AIM2: variants seen among roughly 807,000 people sequenced by gnomAD.
AIM2 encodes interferon-inducible protein AIM2.
Under a neutral mutation model 27.7 loss-of-function variants are expected in AIM2, and 30 were observed. That is an observed-to-expected ratio of 1.08 (90% CI 0.81 to 1.47). AIM2 has a LOEUF of 1.47. AIM2 is among the 40% of genes most tolerant of loss of function. The probability of loss-of-function intolerance (pLI) is 0.00; values close to 1 mark genes in which losing one functional copy is unlikely to be tolerated. For synonymous variants in AIM2, 141 were observed against 145.3 expected, an observed-to-expected ratio of 0.97 and a Z score of 0.21; for missense variants, 358 against 411.3, an observed-to-expected ratio of 0.87 and a Z score of 1.12.
chr1:159,073,595 T>C (rs1557895454), intron 1 of AIM2, 76 bp from the exon 2 acceptor site: 3 of 1,367,166 alleles, frequency 2.2e-6, no homozygotes, highest in East Asian at 4.6e-5. Flanking sequence ...AGGTGAGCTA[T>C]TAATATTTTT....
intron 1 of AIM2, among the ~76,000 whole-genome samples, chr1:159,139,276 A>G (rs1173245357): frequency 6.6e-6 from 1 of 152,160 alleles, no homozygotes; most frequent in Non-Finnish European, 1.5e-5. Flanking sequence ...GAAAACTCCA[A>G]TCAGACCTCT....
downstream of AIM2, among the ~76,000 whole-genome samples, chr1:159,058,687 G>T (rs1411833617): frequency 6.6e-6 from 1 of 152,100 alleles, no homozygotes; most frequent in African/African-American, 2.4e-5. Context: ...CTCACCCACC[G>T]ATTCTCGAGC....
At chr1:159,135,098 T>C (rs1018231760) in intron 1 of AIM2, among the ~76,000 whole-genome samples, 5 of 152,234 alleles carry the variant, frequency 3.3e-5, no homozygotes, top group African/African-American at 7.2e-5. Context: ...TGTTTTTCTG[T>C]GATCACCTCT....
At chr1:159,082,978 A>G (rs1165740088) in intron 1 of AIM2, among the ~76,000 whole-genome samples, 1 of 152,200 alleles carries the variant, frequency 6.6e-6, no homozygotes. Flanking sequence ...GGGTGGTTGC[A>G]GAGAAATTAC....
intron 1 of AIM2, among the ~76,000 whole-genome samples, chr1:159,136,313 G>T (rs1282299205): frequency 6.6e-6 from 1 of 152,118 alleles, no homozygotes; most frequent in Non-Finnish European, 1.5e-5. Context: ...AAACAAGGAG[G>T]TTAGCATTTG....
At chr1:159,071,396 C>G (rs1656358105) in intron 2 of AIM2, among the ~76,000 whole-genome samples, 1 of 152,198 alleles carries the variant, frequency 6.6e-6, no homozygotes, top group South Asian at 2.1e-4. Context: ...CATGGACACA[C>G]AAAAATTTCC....
At position 159,068,674 on chromosome 1, in the gene AIM2, T is replaced by C; in HGVS notation, c.290A>G (p.Lys97Arg). ...KVDKQYKSVT[K>R]PKPLSQAEMS... ...TTCAGCTTGACTTAGTGGCTTTGGT[T>C]TTGTTACCGATTTGTATTGCTTATC... The change falls in exon 3 of 6, where the codon AAA becomes AGA. Residue 97 changes from lysine to arginine, a missense_variant. By Grantham distance (26) the Lys-to-Arg change is conservative. Coordinates refer to ENST00000368130, the MANE Select transcript of AIM2 (RefSeq NM_004833.3). The C allele has an allele frequency of 6.2e-7, 1 of 1,613,826 alleles. No homozygotes were observed. Among genetic ancestry groups the C allele is most frequent in the Non-Finnish European group, 8.5e-7 (1 of 1,179,840 alleles).
intron 1 of AIM2, among the ~76,000 whole-genome samples, chr1:159,111,314 T>C (rs1388097610): frequency 1.3e-5 from 2 of 152,228 alleles, no homozygotes; most frequent in African/African-American, 4.8e-5. Context: ...TAACCTGGCG[T>C]AGGGTCTATT....
At chr1:159,062,923 G>T (rs1304348032) in intron 5 of AIM2, among the ~76,000 whole-genome samples, 2 of 152,110 alleles carry the variant, frequency 1.3e-5, no homozygotes, top group Non-Finnish European at 2.9e-5. Context: ...ACTTAGCAAG[G>T]TCACATACGC....
chr1:159,117,013 T>G (rs1159785920), intron 1 of AIM2, among the ~76,000 whole-genome samples: 3 of 152,074 alleles, frequency 2.0e-5, no homozygotes, highest in African/African-American at 7.2e-5. Flanking sequence ...TCAAGTTATT[T>G]TTTGTGTTAT....
intron 5 of AIM2, among the ~76,000 whole-genome samples, chr1:159,062,934 A>G (rs1394698716): frequency 1.1e-4 from 17 of 152,180 alleles, no homozygotes; most frequent in Non-Finnish European, 5.9e-5. Context: ...TCACATACGC[A>G]TATTTCTCAA....
intron 1 of AIM2, among the ~76,000 whole-genome samples, chr1:159,126,178 C>T (rs551877178): frequency 3.9e-5 from 6 of 152,156 alleles, no homozygotes; most frequent in Non-Finnish European, 8.8e-5. Flanking sequence ...TATTTCCTGT[C>T]TGAGAATGGA....
At chr1:159,086,415 C>G (rs1656912337) in intron 1 of AIM2, among the ~76,000 whole-genome samples, 1 of 152,228 alleles carries the variant, frequency 6.6e-6, no homozygotes, top group Non-Finnish European at 1.5e-5. Flanking sequence ...GCCAGCTCAT[C>G]AGAGCGCTCT....
intron 1 of AIM2, among the ~76,000 whole-genome samples, chr1:159,084,699 T>G (rs1225325920): frequency 6.6e-6 from 1 of 151,678 alleles, no homozygotes; most frequent in African/African-American, 2.4e-5. Flanking sequence ...CTTGATTGTC[T>G]AGGAGTTTGA....
Position 159,063,591 on chromosome 1 carries a change from G to A in AIM2, c.900C>T (p.Asp300=). 1.9e-6 allele frequency: 3 copies of A among 1,614,094 alleles called. No individual in the cohort carries two copies. The highest frequency in any genetic ancestry group is 2.5e-6 in the Non-Finnish European group (3 of 1,180,000). Residue 300 remains aspartate (D), a synonymous_variant, in exon 5 of 6, where the codon GAC becomes GAT. Transcript: ENST00000368130. ...TATCTCCTTCCTTACATTTCATTGT[G>A]TCCTCGTTTCTAACCCCCAGTACTT... is the stretch of plus-strand genomic sequence containing the variant. The part of the protein sequence containing the change: ...KMEVLGVRNE[D]TMKCKEGDKV...
chr1:159,090,811 AT>A (rs1657026797), intron 1 of AIM2, among the ~76,000 whole-genome samples: 1 of 152,212 alleles, frequency 6.6e-6, no homozygotes, highest in African/African-American at 2.4e-5. Context: ...CAGGGAAATA[AT>A]TTTTGATCGT....
intron 1 of AIM2, among the ~76,000 whole-genome samples, chr1:159,093,847 T>C (rs941145602): frequency 2.6e-5 from 4 of 151,374 alleles, no homozygotes; most frequent in Non-Finnish European, 4.4e-5. Context: ...GTGATTCCCC[T>C]GCCTCAGCCT....
intron 1 of AIM2, among the ~76,000 whole-genome samples, chr1:159,075,906 T>C (rs900256852): frequency 2.6e-5 from 4 of 152,138 alleles, no homozygotes; most frequent in Admixed American, 2.0e-4. Context: ...CCCCCATCAG[T>C]AGAGTCAATG....
intron 1 of AIM2, among the ~76,000 whole-genome samples, chr1:159,123,792 C>T (rs376275868): frequency 6.6e-6 from 1 of 152,278 alleles, no homozygotes; most frequent in East Asian, 1.9e-4. Flanking sequence ...ACCACAGTGT[C>T]GGAAGGTAGC....
Sources: allele counts gnomAD v4.1 joint callset (sites outside exome capture counted in the v4.1 genomes callset), GRCh38; gene constraint gnomAD v4.1.1; transcripts MANE v1.5; gene names NCBI Gene and HGNC (gene_info 2026-07-23, HGNC 2026-07-21).